Variants in ADAMTS19 observed in about 807,000 individuals in gnomAD.
ADAMTS19 encodes the protein A disintegrin and metalloproteinase with thrombospondin motifs 19.
In ADAMTS19, 93 loss-of-function variants were observed where a neutral mutation model predicts 153.3. The observed-to-expected ratio is 0.61, with a 90% CI of 0.51 to 0.72. The LOEUF is 0.72. Ranked by LOEUF, ADAMTS19 falls within the 30% of genes least tolerant of loss-of-function variation. The pLI, the probability that ADAMTS19 is intolerant of heterozygous loss-of-function variation, is 0.00. For missense variants in ADAMTS19, 1,482 were observed against 1,552.1 expected (o/e 0.95, Z 0.76); for synonymous variants, 600 against 556.6 (o/e 1.08, Z -1.10).
intron 3 of ADAMTS19, among the ~76,000 whole-genome samples, chr5:129,523,663 A>G (rs536186006): frequency 1.3e-5 from 2 of 152,310 alleles, no homozygotes; most frequent in Admixed American, 1.3e-4. Context: ...CAGAAACAGT[A>G]TGTTCAACTG....
Position 129,627,058 on chromosome 5 carries a change from A to G in ADAMTS19, c.1770+4710A>G, listed in dbSNP as rs376192899. Reference sequence around the variant, plus strand: ...AATGCCCTGGAATTCATTGTGGGTCATGTCGTGAGATGCCCATTACACATC... The same window carrying G: ...AATGCCCTGGAATTCATTGTGGGTCGTGTCGTGAGATGCCCATTACACATC... On this transcript the variant is annotated intron_variant, in intron 10 of 22. Coordinates refer to ENST00000274487, the MANE Select transcript of ADAMTS19 (RefSeq NM_133638.6). Among the ~76,000 whole-genome samples the G allele has an allele frequency of 1.3e-4, 20 of 152,210 alleles. No homozygotes were observed. The South Asian group carries it at 3.5e-3, about 27-fold the overall frequency.
chr5:129,556,144 T>C (rs1267975608), intron 7 of ADAMTS19, among the ~76,000 whole-genome samples: 2 of 152,138 alleles, frequency 1.3e-5, no homozygotes, highest in Non-Finnish European at 2.9e-5. Flanking sequence ...CCTGTTGATA[T>C]AGTTATGTAG....
chr5:129,503,538 A>G (rs1751171692), intron 2 of ADAMTS19, among the ~76,000 whole-genome samples: 1 of 152,312 alleles, frequency 6.6e-6, no homozygotes, highest in Admixed American at 6.5e-5. Flanking sequence ...ATGAGAAAAT[A>G]CTTAAGAAAA....
At chr5:129,534,989 T>G (rs2126783919) in intron 6 of ADAMTS19, among the ~76,000 whole-genome samples, 1 of 152,288 alleles carries the variant, frequency 6.6e-6, no homozygotes, top group East Asian at 1.9e-4. Context: ...AAGCATTCCC[T>G]TTGAAAACTG....
chr5:129,562,410 G>T (rs1753555991), intron 7 of ADAMTS19, among the ~76,000 whole-genome samples: 1 of 152,126 alleles, frequency 6.6e-6, no homozygotes, highest in Non-Finnish European at 1.5e-5. Context: ...AGTGAAGTTG[G>T]TGCCACTGTC....
At chr5:129,566,194 A>T (rs973545751) in intron 7 of ADAMTS19, among the ~76,000 whole-genome samples, 1 of 152,158 alleles carries the variant, frequency 6.6e-6, no homozygotes, top group South Asian at 2.1e-4. Flanking sequence ...GTCCTTCCCA[A>T]TCCTGTCCTC....
intron 17 of ADAMTS19, 91 bp downstream of exon 17, chr5:129,680,012 G>A: frequency 7.7e-7 from 1 of 1,304,552 alleles, no homozygotes; most frequent in Non-Finnish European, 1.0e-6. Flanking sequence ...TTTCAGATTT[G>A]AATTGTCACA....
At chr5:129,580,931 G>A (rs909781189) in intron 7 of ADAMTS19, among the ~76,000 whole-genome samples, 7 of 152,180 alleles carry the variant, frequency 4.6e-5, no homozygotes, top group African/African-American at 1.7e-4. Context: ...TTGGTATCAG[G>A]ATGATGCTGG....
At chr5:129,702,941 A>AAAAAAAAATATATAT in intron 20 of ADAMTS19, among the ~76,000 whole-genome samples, 28 of 29,284 alleles carry the variant, frequency 9.6e-4, no homozygotes, top group African/African-American at 2.2e-3. Flanking sequence ...AAAAAAAAAA[A>AAAAAAAAATATATAT]ATATATATAT....
intron 7 of ADAMTS19, among the ~76,000 whole-genome samples, chr5:129,579,627 G>A (rs1441344788): frequency 6.6e-6 from 1 of 152,146 alleles, no homozygotes. Context: ...AAGGTGTAAG[G>A]AAGGGGTCCA....
At chr5:129,518,012 T>C (rs1400199459) in intron 3 of ADAMTS19, among the ~76,000 whole-genome samples, 1 of 152,078 alleles carries the variant, frequency 6.6e-6, no homozygotes, top group East Asian at 1.9e-4. Flanking sequence ...TTATAAACCA[T>C]TATTTTAACC....
At chr5:129,675,936 G>A (rs1294607053) in intron 16 of ADAMTS19, among the ~76,000 whole-genome samples, 1 of 151,382 alleles carries the variant, frequency 6.6e-6, no homozygotes, top group African/African-American at 2.5e-5. Flanking sequence ...GCTGAGGCAG[G>A]AGAATTGCTT....
chr5:129,558,018 A>G (rs979559137), intron 7 of ADAMTS19, among the ~76,000 whole-genome samples: 1 of 152,158 alleles, frequency 6.6e-6, no homozygotes, highest in Non-Finnish European at 1.5e-5. Flanking sequence ...TCTTGTTTGG[A>G]TAAAGAAAAT....
At chr5:129,508,448 C>A (rs1215876762) in intron 2 of ADAMTS19, among the ~76,000 whole-genome samples, 10 of 151,912 alleles carry the variant, frequency 6.6e-5, no homozygotes. Context: ...TTGATCATAA[C>A]TGTATTATAC....
intron 2 of ADAMTS19, among the ~76,000 whole-genome samples, chr5:129,473,415 G>A (rs1440601202): frequency 6.6e-6 from 1 of 152,042 alleles, no homozygotes; most frequent in African/African-American, 2.4e-5. Flanking sequence ...AGGAAATTGT[G>A]TATACTTAAC....
At chr5:129,682,930 G>A (rs897142227) in intron 17 of ADAMTS19, among the ~76,000 whole-genome samples, 1 of 152,034 alleles carries the variant, frequency 6.6e-6, no homozygotes, top group Non-Finnish European at 1.5e-5. Flanking sequence ...AAAATGTTCA[G>A]ACACTTAAAC....
chr5:129,701,605 C>A lies in ADAMTS19; in HGVS notation c.3159+13C>A. The A allele has an allele frequency of 6.2e-7, 1 of 1,612,524 alleles. No homozygotes were observed. The highest frequency in any genetic ancestry group is 8.5e-7 in the Non-Finnish European group (1 of 1,178,964). On this transcript the variant is annotated intron_variant, in intron 20 of 22. Coordinates refer to ENST00000274487, the MANE Select transcript of ADAMTS19 (RefSeq NM_133638.6). ...AGTGTGGTCTGAGGTGCATACATGC[C>A]CCCTTTCTTTCCCCATTCCTACTCT...
At chr5:129,506,134 G>T (rs1336909953) in intron 2 of ADAMTS19, among the ~76,000 whole-genome samples, 4 of 151,566 alleles carry the variant, frequency 2.6e-5, no homozygotes, top group Non-Finnish European at 5.9e-5. Flanking sequence ...TGGAAGAAGT[G>T]AGCCCTTTGC....
At chr5:129,541,366 CATG>C (rs982632479) in intron 6 of ADAMTS19, among the ~76,000 whole-genome samples, 1 of 151,892 alleles carries the variant, frequency 6.6e-6, no homozygotes, top group African/African-American at 2.4e-5. Context: ...GTTCATGCAT[CATG>C]ATATGATGTA....
Sources: gnomAD v4.1 joint callset for allele counts (sites outside exome capture counted in the v4.1 genomes callset) on GRCh38, gnomAD v4.1.1 for gene constraint, MANE v1.5 for transcripts, NCBI Gene and HGNC (gene_info 2026-07-23, HGNC 2026-07-21) for gene names.